Variants in TMEM131 observed in about 807,000 individuals in gnomAD.
The protein encoded by TMEM131 is 2610524E03Rik.
In TMEM131, 66 loss-of-function variants were observed where a neutral mutation model predicts 211.6. The observed-to-expected ratio is 0.31, with a 90% CI of 0.26 to 0.38. TMEM131 has a LOEUF of 0.38. TMEM131 is among the 10% of genes least tolerant of loss of function. The probability of loss-of-function intolerance (pLI) is 1.00; values close to 1 mark genes in which losing one functional copy is unlikely to be tolerated. For synonymous variants in TMEM131, 844 were observed against 841.3 expected (o/e 1.00, Z -0.06); for missense variants, 2,036 against 2,299.3 (o/e 0.89, Z 2.34).
At chr2:97,866,350 G>A (rs151251546) in intron 4 of TMEM131, among the ~76,000 whole-genome samples, 55 of 152,308 alleles carry the variant, frequency 3.6e-4, no homozygotes, top group Middle Eastern at 3.4e-3. Context: ...AAATTGCCCT[G>A]TAATCTTCTT....
intron 1 of TMEM131, among the ~76,000 whole-genome samples, chr2:97,993,968 G>T (rs1388121689): frequency 6.6e-6 from 1 of 152,182 alleles, no homozygotes; most frequent in Non-Finnish European, 1.5e-5. Flanking sequence ...TGCTAAGGGC[G>T]CATGAAGACA....
At position 97,757,357 on chromosome 2, in the gene TMEM131, C is replaced by T. The variant is rs1678549575; in HGVS notation, c.5394G>A (p.Leu1798=). 1 of 1,610,308 alleles carries T rather than the reference C, an allele frequency of 6.2e-7. No homozygotes were observed. Among genetic ancestry groups the T allele is most frequent in the African/African-American group, 1.3e-5 (1 of 74,870 alleles). ...AGCTGCTGAATGGAGTGGTGGACCACAGGCCGCTGGTGTTACCGAGGACCG... is the reference window on the plus strand; with the variant it reads ...AGCTGCTGAATGGAGTGGTGGACCATAGGCCGCTGGTGTTACCGAGGACCG... ...ATSVLGNTSG[L]WSTTPFSSSI... is the part of the protein sequence containing the mutation. Residue 1798 remains leucine (L), a synonymous_variant, in exon 41 of 41, where the codon CTG becomes CTA. Coordinates refer to ENST00000186436, the MANE Select transcript of TMEM131 (RefSeq NM_015348.2).
Position 97,811,190 on chromosome 2 carries a change from G to T in TMEM131, c.1906C>A (p.Leu636Ile), listed in dbSNP as rs748146925. ...ATCCCCTCTAATTTTTTTGCAGTAA[G>T]TTTGACTCTGAAGACTGCAAAATAG... is the stretch of plus-strand genomic sequence containing the variant. ...SGYFAVFRVK[L>I]TAKKLEGIHD... Residue 636 changes from leucine to isoleucine, a missense_variant, in exon 18 of 41, where the codon CTT becomes ATT. Leu to Ile is a conservative substitution (Grantham distance 5). This residue lies in a region of TMEM131 where 1,623 missense variants were observed against 1,805.9 expected (regional missense o/e 0.90). Transcript: ENST00000186436. 14 of 1,613,682 alleles carry T rather than the reference G, an allele frequency of 8.7e-6. No homozygotes were observed. The East Asian group carries it at 3.1e-4, about 36-fold the overall frequency.
chr2:97,795,065 A>G lies in TMEM131; in HGVS notation c.3251T>C (p.Ile1084Thr), dbSNP rs1680692942. ...TACAAACTCAGAGCCACTGGTTGTT[A>G]TAAACTTCAGTTCCCGAATAACTCT... ...ASRVIRELKFITTSGSEFVFI... is the reference protein window; with the variant it reads ...ASRVIRELKFTTTSGSEFVFI... Residue 1084 changes from isoleucine to threonine, a missense_variant, in exon 29 of 41, where the codon ATA becomes ACA. By Grantham distance (89) the Ile-to-Thr change is moderately conservative. Coordinates refer to ENST00000186436, the MANE Select transcript of TMEM131 (RefSeq NM_015348.2). 2 of 1,613,828 alleles carry G rather than the reference A, an allele frequency of 1.2e-6. No individual in the cohort carries two copies. The highest frequency in any genetic ancestry group is 8.5e-7 in the Non-Finnish European group (1 of 1,179,852).
chr2:97,852,378 G>A (rs866544088), intron 5 of TMEM131, among the ~76,000 whole-genome samples: 15 of 151,990 alleles, frequency 9.9e-5, no homozygotes, highest in Admixed American at 3.9e-4. Context: ...GGTTGGTTTC[G>A]AACTCCTGAC....
chr2:97,893,794 T>C (rs1044455353), intron 3 of TMEM131, among the ~76,000 whole-genome samples: 3 of 152,168 alleles, frequency 2.0e-5, no homozygotes, highest in East Asian at 1.9e-4. Flanking sequence ...CTTTGTCAGA[T>C]AGATTGCAAG....
At chr2:97,775,413 G>A (rs556844044) in intron 32 of TMEM131, among the ~76,000 whole-genome samples, 57 of 152,126 alleles carry the variant, frequency 3.7e-4, no homozygotes, top group Non-Finnish European at 6.5e-4. Context: ...CCAAAACCCC[G>A]CTTCCAGCAG....
intron 5 of TMEM131, among the ~76,000 whole-genome samples, chr2:97,848,962 A>G (rs1683573355): frequency 6.6e-6 from 1 of 152,206 alleles, no homozygotes; most frequent in Non-Finnish European, 1.5e-5. Flanking sequence ...TCACGAACTC[A>G]ATGAGAAAAC....
intron 5 of TMEM131, among the ~76,000 whole-genome samples, chr2:97,850,878 A>G (rs142571641): frequency 6.6e-6 from 1 of 152,140 alleles, no homozygotes; most frequent in Non-Finnish European, 1.5e-5. Flanking sequence ...TGAGAACTTA[A>G]TTTGATTTAA....
At chr2:97,971,373 G>A (rs945741991) in intron 1 of TMEM131, among the ~76,000 whole-genome samples, 2 of 151,940 alleles carry the variant, frequency 1.3e-5, no homozygotes, top group Non-Finnish European at 2.9e-5. Flanking sequence ...GAGGAAGGGG[G>A]GAAAATATAC....
In TMEM131 at chr2:97,814,142, C is replaced by T; in HGVS notation, c.1447-1G>A. On this transcript the variant is annotated splice_acceptor_variant, in intron 14 of 40. Coordinates refer to ENST00000186436, the MANE Select transcript of TMEM131 (RefSeq NM_015348.2). LOFTEE classifies it high-confidence loss of function. ...AGACTGGTTTGCTGAAGTTGTGAAC[C>T]TGAGAAATGACAGAAGAGAAAAAAA... 6.2e-7 allele frequency: 1 copy of T among 1,611,966 alleles called. No individual in the cohort carries two copies. The highest frequency in any genetic ancestry group is 8.5e-7 in the Non-Finnish European group (1 of 1,179,014).
chr2:97,771,544 C>T (rs1346390175), intron 33 of TMEM131, among the ~76,000 whole-genome samples: 1 of 152,218 alleles, frequency 6.6e-6, no homozygotes, highest in African/African-American at 2.4e-5. Flanking sequence ...TCACTTTCTA[C>T]TGATCACAAC....
Position 97,888,037 on chromosome 2 carries a change from A to G in TMEM131, c.359+15T>C. On this transcript the variant is annotated intron_variant, in intron 4 of 40. Transcript: ENST00000186436. ...AGTTTAATGGGAAAGTACAGTCCAAAAATTTTAAACTTACTGTTCATGGAA... is the reference window on the plus strand; with the variant it reads ...AGTTTAATGGGAAAGTACAGTCCAAGAATTTTAAACTTACTGTTCATGGAA... 6.2e-7 allele frequency: 1 copy of G among 1,609,834 alleles called. No individual in the cohort carries two copies. The highest frequency in any genetic ancestry group is 1.1e-5 in the South Asian group (1 of 90,606).
intron 1 of TMEM131, among the ~76,000 whole-genome samples, chr2:97,970,615 C>G (rs1378418199): frequency 2.6e-5 from 4 of 152,138 alleles, no homozygotes; most frequent in Non-Finnish European, 4.4e-5. Flanking sequence ...ATCTATTCAC[C>G]ACTCACTCCA....
chr2:97,762,174 G>C lies in TMEM131; in HGVS notation c.4750C>G (p.Leu1584Val). The C allele has an allele frequency of 1.2e-6, 2 of 1,614,006 alleles. No individual in the cohort carries two copies. Among genetic ancestry groups the C allele is most frequent in the South Asian group, 2.2e-5 (2 of 91,082 alleles). ...SSTDSLYKLS[L>V]QTLNADIFLK... The stretch of plus-strand genomic sequence containing the variant: ...AAAATGTCTGCGTTGAGGGTTTGCA[G>C]AGAAAGTTTATAAAGACTATCAGTA... Residue 1584 changes from leucine to valine, a missense_variant, in exon 36 of 41, where the codon CTG (leucine) becomes GTG (valine). Transcript: ENST00000186436.
chr2:97,797,571 T>C (rs1238997183), intron 25 of TMEM131, 55 bp from the exon 26 acceptor site: 5 of 1,482,108 alleles, frequency 3.4e-6, no homozygotes, highest in African/African-American at 2.8e-5. Flanking sequence ...TGGAAGAATG[T>C]TTCTTCGCTT....
Position 97,760,859 on chromosome 2 carries a change from A to G in TMEM131, c.4945T>C (p.Ser1649Pro), listed in dbSNP as rs1322846417. The change falls in exon 37 of 41, where the codon TCG (serine) becomes CCG (proline). Residue 1649 changes from serine (S) to proline (P), a missense_variant. Coordinates refer to ENST00000186436, the MANE Select transcript of TMEM131 (RefSeq NM_015348.2). ...GSKHKLTKAASLPGKNGNPTF... is the reference protein window; with the variant it reads ...GSKHKLTKAAPLPGKNGNPTF... ...GGGTTGCCGTTCTTGCCCGGGAGCGAGGCTGCCTTTGTCAACTTGTGTTTG... is the reference window on the plus strand; with the variant it reads ...GGGTTGCCGTTCTTGCCCGGGAGCGGGGCTGCCTTTGTCAACTTGTGTTTG... The G allele has an allele frequency of 6.2e-7, 1 of 1,613,948 alleles. No individual in the cohort carries two copies. The highest frequency in any genetic ancestry group is 1.7e-5 in the Admixed American group (1 of 60,020).
intron 35 of TMEM131, chr2:97,765,437 C>T (rs1395738419): frequency 6.6e-6 from 1 of 152,410 alleles, no homozygotes; most frequent in Admixed American, 6.5e-5. Flanking sequence ...CACTCCAACA[C>T]AGTGGTGAGT....
chr2:97,892,873 G>A (rs1675438707), intron 3 of TMEM131, among the ~76,000 whole-genome samples: 1 of 152,044 alleles, frequency 6.6e-6, no homozygotes, highest in Non-Finnish European at 1.5e-5. Flanking sequence ...TAAATATCCA[G>A]TAGGCCTACT....
Sources: allele counts gnomAD v4.1 joint callset (sites outside exome capture counted in the v4.1 genomes callset), GRCh38; gene constraint gnomAD v4.1.1; regional missense constraint gnomAD v4.1.1; transcripts MANE v1.5; gene names NCBI Gene and HGNC (gene_info 2026-07-23, HGNC 2026-07-21).